NAALADL2: variants seen among roughly 807,000 people sequenced by gnomAD.
The protein encoded by NAALADL2 is N-acetylated alpha-linked acidic dipeptidase like 2, also known as inactive N-acetylated-alpha-linked acidic dipeptidase-like protein 2.
In NAALADL2, 76 loss-of-function variants were observed where a neutral mutation model predicts 87.2. The observed-to-expected ratio is 0.87, with a 90% CI of 0.72 to 1.05. NAALADL2 has a LOEUF of 1.05. Ranked by LOEUF, NAALADL2 falls within the 50% of genes least tolerant of loss-of-function variation. The probability of loss-of-function intolerance (pLI) is 0.00; values close to 1 mark genes in which losing one functional copy is unlikely to be tolerated. For synonymous variants in NAALADL2, 354 were observed against 331.0 expected (o/e 1.07, Z -0.75); for missense variants, 1,089 against 945.8 (o/e 1.15, Z -1.99).
intron 3 of NAALADL2, among the ~76,000 whole-genome samples, chr3:175,252,904 C>T (rs775374044): frequency 7.2e-5 from 11 of 152,114 alleles, no homozygotes; most frequent in Non-Finnish European, 1.2e-4. Context: ...TGTGTGAAAG[C>T]TGCGAGATAT....
At chr3:174,900,692 G>GA (rs567006020) in intron 1 of NAALADL2, among the ~76,000 whole-genome samples, 58 of 150,344 alleles carry the variant, frequency 3.9e-4, no homozygotes, top group South Asian at 2.3e-3. Context: ...TCAAACCTCA[G>GA]AAAAAAAACA....
intron 2 of NAALADL2, among the ~76,000 whole-genome samples, chr3:174,711,512 C>CTTGT (rs1730631257): frequency 6.6e-6 from 1 of 152,128 alleles, no homozygotes; most frequent in Admixed American, 6.5e-5. Flanking sequence ...GATTTTATTT[C>CTTGT]AAATACTTGG....
At chr3:174,578,804 A>G (rs948369379) in intron 2 of NAALADL2, among the ~76,000 whole-genome samples, 13 of 151,940 alleles carry the variant, frequency 8.6e-5, no homozygotes, top group African/African-American at 3.1e-4. Context: ...AACTCCATCA[A>G]TATAAATTAT....
chr3:175,218,831 G>A (rs1199242555), intron 2 of NAALADL2, among the ~76,000 whole-genome samples: 1 of 151,542 alleles, frequency 6.6e-6, no homozygotes, highest in Admixed American at 6.6e-5. Flanking sequence ...TTGAGACGGA[G>A]TTTTGCTCTT....
At chr3:175,717,101 C>A (rs551808680) in intron 11 of NAALADL2, among the ~76,000 whole-genome samples, 2 of 152,216 alleles carry the variant, frequency 1.3e-5, no homozygotes, top group Admixed American at 6.5e-5. Flanking sequence ...AATGACATAG[C>A]CTTTGAATTG....
At chr3:175,802,132 AT>A (rs1303311479) in intron 13 of NAALADL2, among the ~76,000 whole-genome samples, 5 of 134,026 alleles carry the variant, frequency 3.7e-5, no homozygotes, top group African/African-American at 1.7e-4. Context: ...ATTTGCAAAT[AT>A]TACAGTGTGT....
intron 13 of NAALADL2, among the ~76,000 whole-genome samples, chr3:175,759,680 A>G (rs1036520712): frequency 5.9e-5 from 9 of 152,176 alleles, no homozygotes; most frequent in Non-Finnish European, 1.3e-4. Flanking sequence ...AGGGAAAGTG[A>G]AAGATGTATG....
intron 4 of NAALADL2, among the ~76,000 whole-genome samples, chr3:175,257,389 T>G (rs1750174546): frequency 6.6e-6 from 1 of 151,930 alleles, no homozygotes; most frequent in African/African-American, 2.4e-5. Flanking sequence ...TTTATTATCT[T>G]CCAATAATAC....
intron 2 of NAALADL2, among the ~76,000 whole-genome samples, chr3:174,576,257 CA>C (rs1715519569): frequency 6.6e-6 from 1 of 151,794 alleles, no homozygotes; most frequent in African/African-American, 2.4e-5. Flanking sequence ...GACATACAGA[CA>C]AAAAATTATA....
chr3:174,708,682 A>T (rs1273415322), intron 2 of NAALADL2, among the ~76,000 whole-genome samples: 1 of 152,120 alleles, frequency 6.6e-6, no homozygotes, highest in East Asian at 1.9e-4. Flanking sequence ...GAGAAATAGG[A>T]TTTGACTTAC....
chr3:175,009,111 T>C (rs935613670), intron 1 of NAALADL2, among the ~76,000 whole-genome samples: 2 of 152,154 alleles, frequency 1.3e-5, no homozygotes, highest in Non-Finnish European at 2.9e-5. Context: ...GGAGAGCTTA[T>C]TAAAATATAG....
At chr3:174,510,696 A>G (rs2108389979) in intron 1 of NAALADL2, among the ~76,000 whole-genome samples, 1 of 151,562 alleles carries the variant, frequency 6.6e-6, no homozygotes, top group East Asian at 1.9e-4. Context: ...TCTATTTCAT[A>G]GATTTCTGCT....
rs1560196340 is a variant in NAALADL2, at chr3:174,753,287, G to A, written c.-9+15541G>A. 2.0e-5 allele frequency among the ~76,000 whole-genome samples: 3 copies of A among 152,232 alleles called. No homozygotes were observed. In the East Asian group the frequency reaches 5.8e-4, roughly 29 times the overall value. On this transcript the variant is annotated intron_variant, in intron 3 of 3. Coordinates refer to the NAALADL2 transcript ENST00000434257. ...GTTGGGGTTTCACCCCATTGGCCTG[G>A]CTGGTCTCAATCCTCTGACCTCAGT...
chr3:174,700,379 T>A (rs1338645103), intron 2 of NAALADL2, among the ~76,000 whole-genome samples: 1 of 152,182 alleles, frequency 6.6e-6, no homozygotes, highest in Non-Finnish European at 1.5e-5. Context: ...TATTGACATC[T>A]ACTCATTGTA....
intron 2 of NAALADL2, among the ~76,000 whole-genome samples, chr3:175,227,243 G>A (rs576217017): frequency 6.6e-6 from 1 of 152,024 alleles, no homozygotes; most frequent in African/African-American, 2.4e-5. Flanking sequence ...TGACATCACT[G>A]TTGCTCTGTG....
At position 175,085,156 on chromosome 3, in the gene NAALADL2, A is replaced by C. The variant is rs544968797; in HGVS notation, c.44-11634A>C. Among the ~76,000 whole-genome samples the C allele has an allele frequency of 1.9e-3, 283 of 152,264 alleles. 1 individual carries two copies. The highest frequency in any genetic ancestry group is 6.4e-3 in the African/African-American group (266 of 41,564). On this transcript the variant is annotated intron_variant, in intron 1 of 13. Coordinates refer to ENST00000454872, the MANE Select transcript of NAALADL2 (RefSeq NM_207015.3). ...TGTCATTATGGCAGAGTGGTTAAGA[A>C]CACAGATTCCATAACCACACGGCCT... is the stretch of plus-strand genomic sequence containing the variant.
At chr3:174,843,053 T>G (rs2109430729) in intron 3 of NAALADL2, among the ~76,000 whole-genome samples, 1 of 152,284 alleles carries the variant, frequency 6.6e-6, no homozygotes. Context: ...GACAATCAAA[T>G]CAGGGTATTT....
chr3:174,466,594 A>G (rs1159594670), intron 1 of NAALADL2, among the ~76,000 whole-genome samples: 3 of 152,170 alleles, frequency 2.0e-5, no homozygotes, highest in Non-Finnish European at 4.4e-5. Flanking sequence ...GTACTAGGAG[A>G]CAATTAAAGG....
At position 174,790,173 on chromosome 3, in the gene NAALADL2, G is replaced by A. The variant is rs139174395; in HGVS notation, c.-9+52427G>A. ...GACACTTGGTCTCCCATTTCCTGGT[G>A]GAGGGTGTAGCCTTGGAAAGAGTCA... On this transcript the variant is annotated intron_variant, in intron 3 of 3. Transcript: ENST00000434257. Among the ~76,000 whole-genome samples, 624 of 152,274 alleles carry A rather than the reference G, an allele frequency of 4.1e-3. 5 individuals are homozygous for A. Among genetic ancestry groups the A allele is most frequent in the African/African-American group, 0.014 (602 of 41,538 alleles).
Sources: gnomAD v4.1 joint callset for allele counts (sites outside exome capture counted in the v4.1 genomes callset) on GRCh38, gnomAD v4.1.1 for gene constraint, MANE v1.5 for transcripts, NCBI Gene and HGNC (gene_info 2026-07-23, HGNC 2026-07-21) for gene names.